Variants in STK3 observed in about 807,000 individuals in gnomAD.
STK3 encodes serine/threonine kinase 3.
STK3 carries 41 observed loss-of-function variants against 58.0 expected under a neutral mutation model. The observed-to-expected ratio is 0.71, with a 90% confidence interval of 0.55 to 0.92. The LOEUF is 0.92. STK3 is among the 40% of genes least tolerant of loss of function. The probability of loss-of-function intolerance (pLI) is 0.00; values close to 1 mark genes in which losing one functional copy is unlikely to be tolerated. For synonymous variants in STK3, 170 were observed against 191.0 expected (o/e 0.89, Z 0.91); for missense variants, 479 against 602.7 (o/e 0.79, Z 2.15).
At chr8:98,940,201 T>C (rs541518223) in intron 1 of STK3, among the ~76,000 whole-genome samples, 1 of 152,078 alleles carries the variant, frequency 6.6e-6, no homozygotes, top group Admixed American at 6.5e-5. Flanking sequence ...CAGGAGCCGG[T>C]GCGCCCTTCC....
intron 10 of STK3, among the ~76,000 whole-genome samples, chr8:98,500,068 A>C (rs918137074): frequency 1.3e-5 from 2 of 152,168 alleles, no homozygotes; most frequent in Admixed American, 1.3e-4. Context: ...ATCTTGAGAT[A>C]TGGAGATTAT....
intron 6 of STK3, among the ~76,000 whole-genome samples, chr8:98,637,922 T>A (rs186470767): frequency 1.3e-5 from 2 of 152,300 alleles, no homozygotes; most frequent in Admixed American, 1.3e-4. Context: ...AGCAATATTA[T>A]TTTTAAATAT....
intron 6 of STK3, among the ~76,000 whole-genome samples, chr8:98,635,120 T>C (rs758935448): frequency 2.0e-5 from 3 of 151,794 alleles, no homozygotes; most frequent in Admixed American, 6.6e-5. Context: ...CAGAAAAGGG[T>C]AAAATGAGGC....
At chr8:98,901,363 C>A (rs1055019690) in intron 1 of STK3, among the ~76,000 whole-genome samples, 1 of 152,214 alleles carries the variant, frequency 6.6e-6, no homozygotes, top group African/African-American at 2.4e-5. Flanking sequence ...GCTTCTCCTT[C>A]CCCCATCCAA....
At chr8:98,523,247 G>C (rs185071939) in intron 10 of STK3, among the ~76,000 whole-genome samples, 2 of 152,044 alleles carry the variant, frequency 1.3e-5, no homozygotes, top group Non-Finnish European at 2.9e-5. Flanking sequence ...ATTTGAATGG[G>C]TGTGTAGTAT....
intron 6 of STK3, among the ~76,000 whole-genome samples, chr8:98,642,999 G>C (rs867885922): frequency 1.3e-5 from 2 of 152,172 alleles, no homozygotes; most frequent in African/African-American, 4.8e-5. Context: ...AAGGCAGAAA[G>C]ATCACTTGAG....
In STK3 at chr8:98,553,210, A is replaced by G. The variant is rs1232628621; in HGVS notation, c.949-5049T>C. 4 of 152,260 alleles carry G rather than the reference A, an allele frequency of 2.6e-5. No individual in the cohort carries two copies. In the East Asian group the frequency reaches 7.7e-4, roughly 29 times the overall value. 9.4% of individuals were successfully genotyped at this position (152,260 alleles called of 1,614,324 possible). On this transcript the variant is annotated intron_variant, in intron 8 of 10. Transcript: ENST00000419617. ...CTTTTTACATTAGAACTACACTCAG[A>G]CACATTCCTTCTCAGCTCAGACACC...
At chr8:98,354,454 C>T in the STK3 span, among the ~76,000 whole-genome samples, 12 of 152,254 alleles carry the variant, frequency 7.9e-5, no homozygotes, top group East Asian at 5.8e-4. Context: ...GAGAATGAGA[C>T]GTTTAAAGGG....
chr8:98,476,675 T>C (rs1821338413), intron 10 of STK3, among the ~76,000 whole-genome samples: 1 of 152,232 alleles, frequency 6.6e-6, no homozygotes, highest in Non-Finnish European at 1.5e-5. Flanking sequence ...TGTGGCTTTG[T>C]TAATGATATG....
chr8:98,870,278 T>C (rs1336018509), intron 3 of STK3, among the ~76,000 whole-genome samples: 2 of 152,258 alleles, frequency 1.3e-5, no homozygotes, highest in African/African-American at 4.8e-5. Context: ...GTCTTTGCTA[T>C]TGTGAATAGT....
intron 4 of STK3, among the ~76,000 whole-genome samples, chr8:98,720,212 T>G (rs1827297335): frequency 6.6e-6 from 1 of 152,212 alleles, no homozygotes; most frequent in African/African-American, 2.4e-5. Flanking sequence ...TTGTCTTAAA[T>G]TTTTATATTT....
At position 98,903,046 on chromosome 8, in the gene STK3, G is replaced by A. The variant is rs143943205; in HGVS notation, c.-78-19212C>T. On this transcript the variant is annotated intron_variant, in intron 1 of 1. Transcript: ENST00000519420. ...AACCTAAAAGACTCTGGCTTCTACC[G>A]CCTCTTTAGCACCATCTCCTTCTGC... 5.9e-3 allele frequency among the ~76,000 whole-genome samples: 905 copies of A among 152,182 alleles called. 4 individuals are homozygous for A. The highest frequency in any genetic ancestry group is 9.0e-3 in the African/African-American group (375 of 41,516).
intron 8 of STK3, among the ~76,000 whole-genome samples, chr8:98,564,768 A>T (rs991397870): frequency 6.6e-6 from 1 of 152,088 alleles, no homozygotes; most frequent in Non-Finnish European, 1.5e-5. Context: ...AATTTTTTTT[A>T]AAAAAGAGAA....
chr8:98,904,972 C>A, intron 1 of STK3: 2 of 728,530 alleles, frequency 2.7e-6, no homozygotes, highest in South Asian at 2.7e-5. Flanking sequence ...GCTGCTACTG[C>A]CTCGTAAGAG....
chr8:98,922,505 C>G (rs1839604357), intron 1 of STK3, among the ~76,000 whole-genome samples: 1 of 152,210 alleles, frequency 6.6e-6, no homozygotes, highest in South Asian at 2.1e-4. Context: ...ACATTAGATA[C>G]ATGGACAGCG....
chr8:98,788,275 T>C (rs1350192303), intron 1 of STK3, among the ~76,000 whole-genome samples: 1 of 151,810 alleles, frequency 6.6e-6, no homozygotes, highest in Non-Finnish European at 1.5e-5. Context: ...CTGTTTCTAC[T>C]AAAAATACAA....
chr8:98,732,426 T>C (rs1332370037), intron 4 of STK3, among the ~76,000 whole-genome samples: 2 of 152,064 alleles, frequency 1.3e-5, no homozygotes, highest in Non-Finnish European at 2.9e-5. Flanking sequence ...TTAGCAACAC[T>C]AGATGTTAGA....
chr8:98,350,135 CT>C, the STK3 span, among the ~76,000 whole-genome samples: 5 of 152,306 alleles, frequency 3.3e-5, no homozygotes, highest in Admixed American at 2.6e-4. Context: ...CCCAAGTCAC[CT>C]CTTGAATGCT....
At chr8:98,865,373 T>G (rs1041534808) in intron 3 of STK3, among the ~76,000 whole-genome samples, 1 of 152,140 alleles carries the variant, frequency 6.6e-6, no homozygotes, top group Non-Finnish European at 1.5e-5. Flanking sequence ...CCATATAGTT[T>G]ACTACTTTTT....
Sources: gnomAD v4.1 joint callset for allele counts (sites outside exome capture counted in the v4.1 genomes callset) on GRCh38, gnomAD v4.1.1 for gene constraint, MANE v1.5 for transcripts, NCBI Gene and HGNC (gene_info 2026-07-23, HGNC 2026-07-21) for gene names.